Variants in TBC1D32 observed in about 807,000 individuals in gnomAD.
The protein encoded by TBC1D32 is TBC1 domain family member 32.
In TBC1D32, 151 loss-of-function variants were observed where a neutral mutation model predicts 170.3. The observed-to-expected ratio is 0.89, with a 90% CI of 0.78 to 1.01. TBC1D32 has a LOEUF of 1.01. TBC1D32 is among the 50% of genes least tolerant of loss of function. The pLI is 0.00. For synonymous variants in TBC1D32, 498 were observed against 488.0 expected (o/e 1.02, Z -0.27); for missense variants, 1,464 against 1,457.1 (o/e 1.00, Z -0.08).
chr6:121,223,299 T>TA lies in TBC1D32; in HGVS notation c.2417dup (p.Arg807LysfsTer7). The TA allele has an allele frequency of 6.3e-7, 1 of 1,599,046 alleles. No homozygotes were observed. The highest frequency in any genetic ancestry group is 1.4e-5 in the African/African-American group (1 of 73,950). On this transcript the variant is annotated frameshift_variant, in exon 21 of 32. Coordinates refer to ENST00000398212, the MANE Select transcript of TBC1D32 (RefSeq NM_152730.6). LOFTEE classifies it high-confidence loss of function. ...TTTTATTAGGAAGATCTTGATTCCT[T>TA]ACAAGCTCATAAATAGCAGGATAGG...
At chr6:121,146,239 G>T (rs1207914158) in intron 24 of TBC1D32, among the ~76,000 whole-genome samples, 1 of 152,214 alleles carries the variant, frequency 6.6e-6, no homozygotes, top group East Asian at 1.9e-4. Flanking sequence ...AATCTACAGT[G>T]TTGGCCAGTA....
intron 15 of TBC1D32, among the ~76,000 whole-genome samples, chr6:121,275,200 T>C (rs1802054485): frequency 6.6e-6 from 1 of 152,206 alleles, no homozygotes; most frequent in Non-Finnish European, 1.5e-5. Context: ...ATTGTTGTAA[T>C]GTAAGTCAAT....
chr6:121,101,696 C>T (rs1052570800), intron 30 of TBC1D32, among the ~76,000 whole-genome samples: 2 of 152,256 alleles, frequency 1.3e-5, no homozygotes, highest in Admixed American at 1.3e-4. Flanking sequence ...GATGCCCTCT[C>T]TCACCACTCC....
At chr6:121,202,884 A>G (rs1791772473) in intron 22 of TBC1D32, among the ~76,000 whole-genome samples, 1 of 151,462 alleles carries the variant, frequency 6.6e-6, no homozygotes, top group South Asian at 2.1e-4. Flanking sequence ...CATTTCACTA[A>G]GCCTCATATT....
At chr6:121,334,482 G>A (rs1811628941), upstream of TBC1D32, 2 of 1,553,374 alleles carry the variant, frequency 1.3e-6, no homozygotes, top group Admixed American at 1.9e-5. Context: ...AGCAAAAGCC[G>A]CGCACTGCGC....
chr6:121,138,618 C>A (rs2128223400), intron 24 of TBC1D32, among the ~76,000 whole-genome samples: 1 of 151,896 alleles, frequency 6.6e-6, no homozygotes, highest in Admixed American at 6.6e-5. Context: ...CCTTTATCTG[C>A]AGAAAATAAA....
chr6:121,308,401 A>G (rs543661790), intron 4 of TBC1D32, among the ~76,000 whole-genome samples: 1 of 152,050 alleles, frequency 6.6e-6, no homozygotes, highest in Non-Finnish European at 1.5e-5. Flanking sequence ...AATCAGAATC[A>G]CCAATGCAAC....
intron 24 of TBC1D32, among the ~76,000 whole-genome samples, chr6:121,155,246 T>C (rs1784732954): frequency 6.6e-6 from 1 of 152,042 alleles, no homozygotes; most frequent in South Asian, 2.1e-4. Flanking sequence ...TAGGCTTTAC[T>C]GTGTGTGGGT....
At chr6:121,192,085 C>CATATATATATATATATATA (rs1221051008) in intron 22 of TBC1D32, among the ~76,000 whole-genome samples, 2 of 66,332 alleles carry the variant, frequency 3.0e-5, no homozygotes, top group Non-Finnish European at 3.1e-5. Flanking sequence ...TATATATATC[C>CATATATATATATATATATA]TATTAGTTCT....
At chr6:121,287,596 A>C (rs1434558042) in intron 12 of TBC1D32, among the ~76,000 whole-genome samples, 1 of 152,194 alleles carries the variant, frequency 6.6e-6, no homozygotes, top group Non-Finnish European at 1.5e-5. Flanking sequence ...TGGATCAACA[A>C]GACGGAAAGT....
At chr6:121,225,499 C>A (rs994479880) in intron 20 of TBC1D32, among the ~76,000 whole-genome samples, 2 of 151,810 alleles carry the variant, frequency 1.3e-5, no homozygotes, top group African/African-American at 4.8e-5. Context: ...CTTTATAAAT[C>A]ACATATATCA....
At chr6:121,129,838 C>T (rs761208276) in intron 25 of TBC1D32, 57 of 418,988 alleles carry the variant, frequency 1.4e-4, no homozygotes, top group African/African-American at 1.1e-3. Flanking sequence ...TGGTAATAAT[C>T]AGAAAAGAGA....
chr6:121,315,973 A>C (rs770624650), intron 3 of TBC1D32, among the ~76,000 whole-genome samples: 2 of 152,148 alleles, frequency 1.3e-5, no homozygotes, highest in African/African-American at 4.8e-5. Flanking sequence ...AAGCAAAGTC[A>C]TATTTACAGG....
chr6:121,101,773 A>G (rs941983931), intron 30 of TBC1D32, among the ~76,000 whole-genome samples: 2 of 152,132 alleles, frequency 1.3e-5, no homozygotes, highest in African/African-American at 4.8e-5. Context: ...AAGGGTATTC[A>G]ATTAGGAAAA....
chr6:121,117,636 T>C (rs1562535301), intron 26 of TBC1D32, among the ~76,000 whole-genome samples: 1 of 151,942 alleles, frequency 6.6e-6, no homozygotes, highest in African/African-American at 2.4e-5. Context: ...TGGGAGACAG[T>C]GGTGGGAGTG....
intron 22 of TBC1D32, among the ~76,000 whole-genome samples, chr6:121,189,520 T>C (rs1175465458): frequency 6.6e-6 from 1 of 151,484 alleles, no homozygotes; most frequent in Non-Finnish European, 1.5e-5. Flanking sequence ...ATGTTATATC[T>C]ATATATTATA....
At chr6:121,137,493 AAC>A (rs936908721) in intron 24 of TBC1D32, among the ~76,000 whole-genome samples, 1 of 151,436 alleles carries the variant, frequency 6.6e-6, no homozygotes, top group African/African-American at 2.4e-5. Flanking sequence ...AAAAAAAAAA[AAC>A]AACTACTTTA....
chr6:121,273,221 C>T (rs928594510), intron 15 of TBC1D32, among the ~76,000 whole-genome samples: 2 of 151,510 alleles, frequency 1.3e-5, no homozygotes, highest in African/African-American at 2.4e-5. Flanking sequence ...AACAAACTTG[C>T]ACGTTCTGCA....
chr6:121,240,182 C>T (rs184106343), intron 19 of TBC1D32, among the ~76,000 whole-genome samples: 2 of 152,136 alleles, frequency 1.3e-5, no homozygotes, highest in African/African-American at 4.8e-5. Flanking sequence ...ACTACACTTA[C>T]CCCTCTCATG....
Sources: gnomAD v4.1 joint callset for allele counts (sites outside exome capture counted in the v4.1 genomes callset) on GRCh38, gnomAD v4.1.1 for gene constraint, MANE v1.5 for transcripts, NCBI Gene and HGNC (gene_info 2026-07-23, HGNC 2026-07-21) for gene names.